Variants in MACF1 observed in about 807,000 individuals in gnomAD.
The protein encoded by MACF1 is microtubule actin crosslinking factor 1.
In MACF1, 193 loss-of-function variants were observed where a neutral mutation model predicts 854.8. That is an observed-to-expected ratio of 0.23 (90% CI 0.20 to 0.25). The LOEUF is 0.25. Ranked by LOEUF, MACF1 falls within the 10% of genes least tolerant of loss-of-function variation. The pLI, the probability that MACF1 is intolerant of heterozygous loss-of-function variation, is 1.00. For missense variants in MACF1, 7,722 were observed against 8,929.1 expected (o/e 0.86, Z 5.45); for synonymous variants, 3,185 against 3,226.7 (o/e 0.99, Z 0.44).
intron 2 of MACF1, among the ~76,000 whole-genome samples, chr1:39,085,376 A>T (rs559069508): frequency 6.6e-6 from 1 of 152,334 alleles, no homozygotes; most frequent in East Asian, 1.9e-4. Context: ...CAGTACGGAT[A>T]GGAAGATAGA....
At chr1:39,123,714 TTTG>T (rs1333868518) in intron 2 of MACF1, among the ~76,000 whole-genome samples, 7 of 90,820 alleles carry the variant, frequency 7.7e-5, no homozygotes, top group Admixed American at 4.3e-4. Context: ...TAATTCTTGT[TTTG>T]TTTTTTTTTT....
At chr1:39,351,762 T>G (rs896389956) in intron 43 of MACF1, among the ~76,000 whole-genome samples, 1 of 151,628 alleles carries the variant, frequency 6.6e-6, no homozygotes, top group South Asian at 2.1e-4. Flanking sequence ...AATTTTTGTA[T>G]TTTTTAGTAG....
At chr1:39,337,687 C>T (rs1390788286) in intron 38 of MACF1, among the ~76,000 whole-genome samples, 2 of 151,290 alleles carry the variant, frequency 1.3e-5, no homozygotes. Context: ...CTGCCTCAGC[C>T]TCCCGAATAG....
At position 39,450,521 on chromosome 1, in the gene MACF1, A is replaced by G. The variant is rs113283648; in HGVS notation, c.20259-531A>G. 6.9e-3 allele frequency among the ~76,000 whole-genome samples: 1,052 copies of G among 151,416 alleles called. 14 individuals are homozygous for G. The highest frequency in any genetic ancestry group is 0.024 in the African/African-American group (1,000 of 41,220). On this transcript the variant is annotated intron_variant, in intron 84 of 100. Transcript: ENST00000564288. ...TATAAGATGCCTAAAGGGTATCTCT[A>G]CCTGTCCCCTGTGCTACCCTTAATC...
chr1:39,248,077 A>G (rs1456518458), intron 2 of MACF1, among the ~76,000 whole-genome samples: 2 of 152,160 alleles, frequency 1.3e-5, no homozygotes, highest in Admixed American at 6.5e-5. Context: ...ATCATGAACC[A>G]TCTTCCCCAG....
At chr1:39,133,055 A>G (rs1360979885) in intron 2 of MACF1, among the ~76,000 whole-genome samples, 1 of 152,188 alleles carries the variant, frequency 6.6e-6, no homozygotes. Context: ...GAGAGCAACT[A>G]TTAGTCCCTG....
intron 3 of MACF1, among the ~76,000 whole-genome samples, chr1:39,251,230 A>G (rs16826009): frequency 0.16 from 24,281 of 152,020 alleles, 2,420 homozygotes; most frequent in Middle Eastern, 0.22. Context: ...TAAAATTGAC[A>G]GAAGCTTTTA....
chr1:39,340,845 T>A lies in MACF1; in HGVS notation c.10473T>A (p.Leu3491=), dbSNP rs1214254274. The A allele has an allele frequency of 6.2e-7, 1 of 1,613,888 alleles. No homozygotes were observed. Among genetic ancestry groups the A allele is most frequent in the Non-Finnish European group, 8.5e-7 (1 of 1,179,994 alleles). ...LNQHTQLEGR[L]QDLRAWVGNK... Reference sequence around the variant, plus strand: ...AGCACACACAGCTAGAAGGCCGACTTCAAGATCTGAGAGCCTGGGTTGGCA... The same window carrying A: ...AGCACACACAGCTAGAAGGCCGACTACAAGATCTGAGAGCCTGGGTTGGCA... Residue 3491 remains leucine, a synonymous_variant, in exon 40 of 101, where the codon CTT becomes CTA. Transcript: ENST00000564288.
intron 97 of MACF1, among the ~76,000 whole-genome samples, chr1:39,478,797 A>G (rs1342881473): frequency 6.6e-6 from 1 of 152,154 alleles, no homozygotes; most frequent in African/African-American, 2.4e-5. Context: ...AGAATGACAA[A>G]TATTTTGTTC....
chr1:39,169,663 A>G (rs1362175822), intron 2 of MACF1, among the ~76,000 whole-genome samples: 1 of 151,056 alleles, frequency 6.6e-6, no homozygotes, highest in African/African-American at 2.4e-5. Flanking sequence ...AACCAGGCTT[A>G]TCTCACTTAT....
At chr1:39,352,139 C>T (rs1312034808) in intron 43 of MACF1, among the ~76,000 whole-genome samples, 1 of 151,926 alleles carries the variant, frequency 6.6e-6, no homozygotes, top group Non-Finnish European at 1.5e-5. Context: ...AAGTGGAGAA[C>T]ATGGAAAAGA....
intron 40 of MACF1, among the ~76,000 whole-genome samples, chr1:39,344,890 A>G (rs1229828690): frequency 6.6e-6 from 1 of 152,116 alleles, no homozygotes; most frequent in Non-Finnish European, 1.5e-5. Context: ...TGTCGCTGCA[A>G]CCAATTATTA....
intron 2 of MACF1, among the ~76,000 whole-genome samples, chr1:39,169,773 C>CTT (rs11335031): frequency 1.7e-4 from 17 of 97,506 alleles, no homozygotes; most frequent in South Asian, 7.7e-4. Flanking sequence ...TTCTTTCTTT[C>CTT]TTTTTTTTTT....
At chr1:39,114,187 T>TG (rs1483414839) in intron 2 of MACF1, among the ~76,000 whole-genome samples, 2 of 151,606 alleles carry the variant, frequency 1.3e-5, no homozygotes, top group Non-Finnish European at 2.9e-5. Flanking sequence ...TTACTGTTTT[T>TG]TTTTTTTTTT....
intron 2 of MACF1, among the ~76,000 whole-genome samples, chr1:39,114,467 A>G (rs1204096033): frequency 6.6e-6 from 1 of 152,010 alleles, no homozygotes; most frequent in Non-Finnish European, 1.5e-5. Context: ...TTATGGAAAC[A>G]CAGTAGTCCC....
chr1:39,268,401 G>A, intron 6 of MACF1: 1 of 1,005,994 alleles, frequency 9.9e-7, no homozygotes, highest in Non-Finnish European at 1.2e-6. Flanking sequence ...TTTGGAGAGA[G>A]GAAGCTGCAG....
chr1:39,420,296 G>A (rs982233107), intron 58 of MACF1, among the ~76,000 whole-genome samples: 1 of 152,142 alleles, frequency 6.6e-6, no homozygotes, highest in African/African-American at 2.4e-5. Flanking sequence ...TGCCTTCTTT[G>A]CCTTTTCATT....
At chr1:39,299,822 G>A (rs2148413952) in intron 21 of MACF1, among the ~76,000 whole-genome samples, 1 of 152,240 alleles carries the variant, frequency 6.6e-6, no homozygotes, top group Admixed American at 6.5e-5. Flanking sequence ...GTGAGAAATT[G>A]ACTAATAATA....
At chr1:39,440,160 T>C (rs1644080802) in intron 72 of MACF1, among the ~76,000 whole-genome samples, 2 of 139,440 alleles carry the variant, frequency 1.4e-5, no homozygotes, top group African/African-American at 2.8e-5. Context: ...TCACCCAGGC[T>C]GGATTGCAGT....
Sources: gnomAD v4.1 joint callset for allele counts (sites outside exome capture counted in the v4.1 genomes callset) on GRCh38, gnomAD v4.1.1 for gene constraint, MANE v1.5 for transcripts, NCBI Gene and HGNC (gene_info 2026-07-23, HGNC 2026-07-21) for gene names.